Variants in ZDHHC14 observed in about 807,000 individuals in gnomAD.
ZDHHC14 encodes zDHHC palmitoyltransferase 14.
In ZDHHC14, 16 loss-of-function variants were observed where a neutral mutation model predicts 47.7. The observed-to-expected ratio is 0.34, with a 90% CI of 0.23 to 0.51. The LOEUF is 0.51. Among genes scored for constraint, ZDHHC14 ranks in the 20% least tolerant of loss-of-function variants. ZDHHC14 has a pLI of 0.97. For synonymous variants in ZDHHC14, 293 were observed against 278.9 expected (o/e 1.05, Z -0.50); for missense variants, 515 against 662.5 (o/e 0.78, Z 2.44).
chr6:157,623,142 A>G (rs1217237368), intron 3 of ZDHHC14, among the ~76,000 whole-genome samples: 2 of 152,112 alleles, frequency 1.3e-5, no homozygotes, highest in Non-Finnish European at 2.9e-5. Flanking sequence ...GCTCTTAGGG[A>G]GTAGCTCCTC....
intron 5 of ZDHHC14, among the ~76,000 whole-genome samples, chr6:157,634,915 G>A (rs551190998): frequency 2.6e-5 from 4 of 152,280 alleles, no homozygotes; most frequent in South Asian, 2.1e-4. Flanking sequence ...CTTCTGCTCC[G>A]TACGTGTCCC....
intron 5 of ZDHHC14, 127 bp downstream of exon 5, chr6:157,633,009 C>T (rs1583048160): frequency 7.1e-6 from 7 of 981,592 alleles, no homozygotes; most frequent in Non-Finnish European, 6.5e-6. Context: ...CAAAGAACTC[C>T]CTCAGATTCA....
chr6:157,419,945 C>T lies in ZDHHC14; in HGVS notation c.245+37679C>T, dbSNP rs1295419058. Among the ~76,000 whole-genome samples, 4 of 152,222 alleles carry T rather than the reference C, an allele frequency of 2.6e-5. 1 individual carries two copies. Among genetic ancestry groups the T allele is most frequent in the Admixed American group, 6.5e-5 (1 of 15,286 alleles). On this transcript the variant is annotated intron_variant, in intron 1 of 8. Transcript: ENST00000359775. ...TCCTGCTGCTCCACATCCTTGTCAGCATTTGGTGTTGTCAGTGTTGTGGAT... is the reference window on the plus strand; with the variant it reads ...TCCTGCTGCTCCACATCCTTGTCAGTATTTGGTGTTGTCAGTGTTGTGGAT...
chr6:157,591,825 A>C (rs1253285013), intron 2 of ZDHHC14, among the ~76,000 whole-genome samples: 3 of 152,334 alleles, frequency 2.0e-5, no homozygotes. Context: ...TATGTGCTTT[A>C]AGAGGGTGAG....
chr6:157,579,190 G>GTTTTTT (rs1187065924), intron 2 of ZDHHC14, among the ~76,000 whole-genome samples: 3 of 63,968 alleles, frequency 4.7e-5, no homozygotes, highest in Non-Finnish European at 6.0e-5. Flanking sequence ...TTGATTCTGT[G>GTTTTTT]TTTTTTTTTT....
chr6:157,502,210 A>G lies in ZDHHC14; in HGVS notation c.246-40375A>G, dbSNP rs1013754866. Among the ~76,000 whole-genome samples the G allele has an allele frequency of 6.6e-6, 1 of 152,236 alleles. No individual in the cohort carries two copies. The highest frequency in any genetic ancestry group is 2.1e-4 in the South Asian group (1 of 4,834). ...AGGAGGCTGCAAAGTACAGGACAGC[A>G]TAACACCTTCCTTTAAGATATGCAC... On this transcript the variant is annotated intron_variant, in intron 1 of 8. Transcript: ENST00000359775. This position sits in a 1 kb window ranked among gnomAD's most constrained non-coding sequence, Gnocchi z 4.0.
intron 5 of ZDHHC14, among the ~76,000 whole-genome samples, chr6:157,638,504 A>T (rs902683767): frequency 6.6e-6 from 1 of 152,206 alleles, no homozygotes; most frequent in Non-Finnish European, 1.5e-5. Flanking sequence ...CTCAAAAAAA[A>T]AAAAGGGACT....
At chr6:157,614,509 CT>C (rs1175375942) in intron 3 of ZDHHC14, among the ~76,000 whole-genome samples, 3 of 152,166 alleles carry the variant, frequency 2.0e-5, no homozygotes, top group African/African-American at 7.2e-5. Flanking sequence ...AGAGAAGGGG[CT>C]GTTGACTAGG....
At chr6:157,526,871 A>AT (rs1328594376) in intron 1 of ZDHHC14, among the ~76,000 whole-genome samples, 2 of 152,146 alleles carry the variant, frequency 1.3e-5, no homozygotes, top group Non-Finnish European at 2.9e-5. Flanking sequence ...GTAGATGTTA[A>AT]TTTTTATTTG....
chr6:157,504,094 C>T (rs1321325508), intron 1 of ZDHHC14, among the ~76,000 whole-genome samples: 1 of 152,070 alleles, frequency 6.6e-6, no homozygotes, highest in Non-Finnish European at 1.5e-5. Context: ...AAAAAGGGAA[C>T]AAATAAATGC....
chr6:157,519,607 G>T lies in ZDHHC14; in HGVS notation c.246-22978G>T, dbSNP rs149895047. On this transcript the variant is annotated intron_variant, in intron 1 of 8. Transcript: ENST00000359775. Reference sequence around the variant, plus strand: ...CTTAGACGGATCCACTGAAGGTTCAGAATGTCAACATTCTGGATCACCAGC... The same window carrying T: ...CTTAGACGGATCCACTGAAGGTTCATAATGTCAACATTCTGGATCACCAGC... Among the ~76,000 whole-genome samples the T allele has an allele frequency of 5.1e-3, 771 of 152,342 alleles. 3 individuals carry two copies. The highest frequency in any genetic ancestry group is 0.018 in the African/African-American group (733 of 41,572).
chr6:157,405,522 G>A (rs749700027), intron 1 of ZDHHC14, among the ~76,000 whole-genome samples: 20 of 152,030 alleles, frequency 1.3e-4, no homozygotes, highest in Non-Finnish European at 2.4e-4. Context: ...GTGAGCCACC[G>A]TGCCTGGCCG....
chr6:157,637,371 TG>T (rs1308104651), intron 5 of ZDHHC14, among the ~76,000 whole-genome samples: 3 of 152,078 alleles, frequency 2.0e-5, no homozygotes, highest in Non-Finnish European at 2.9e-5. Flanking sequence ...GTCAGTGTGG[TG>T]GGGGATTCTA....
chr6:157,456,957 T>C (rs1281903699), intron 1 of ZDHHC14, among the ~76,000 whole-genome samples: 1 of 151,970 alleles, frequency 6.6e-6, no homozygotes, highest in East Asian at 1.9e-4. Flanking sequence ...GAGAGCAGCC[T>C]GGCCAACATG....
At chr6:157,546,729 GA>G (rs1351995418) in intron 2 of ZDHHC14, among the ~76,000 whole-genome samples, 1 of 152,110 alleles carries the variant, frequency 6.6e-6, no homozygotes, top group Non-Finnish European at 1.5e-5. Flanking sequence ...TTTGGGGTTA[GA>G]AAAAAATGAC....
Position 157,384,315 on chromosome 6 carries a change from A to C in ZDHHC14, c.245+2049A>C, listed in dbSNP as rs1330762275. Among the ~76,000 whole-genome samples the C allele has an allele frequency of 3.9e-5, 6 of 152,258 alleles. No individual in the cohort carries two copies. In the East Asian group the frequency reaches 1.2e-3, roughly 29 times the overall value. On this transcript the variant is annotated intron_variant, in intron 1 of 8. Transcript: ENST00000359775. ...AACATCTTTTATTTTCTTCATTCAA[A>C]CATAGCTTCTAACCAAACCATCATA...
At chr6:157,633,168 G>A (rs1776793991) in intron 5 of ZDHHC14, among the ~76,000 whole-genome samples, 1 of 152,180 alleles carries the variant, frequency 6.6e-6, no homozygotes, top group Non-Finnish European at 1.5e-5. Context: ...GGGAGAAGTA[G>A]GGCTGTGAGC....
At chr6:157,429,148 G>C (rs1345449880) in intron 1 of ZDHHC14, among the ~76,000 whole-genome samples, 2 of 152,166 alleles carry the variant, frequency 1.3e-5, no homozygotes, top group East Asian at 3.9e-4. Context: ...CAGGCTCCAT[G>C]GATCTGTGCA....
intron 4 of ZDHHC14, 181 bp downstream of exon 4, chr6:157,628,667 C>A: frequency 1.3e-6 from 1 of 741,424 alleles, no homozygotes; most frequent in Non-Finnish European, 2.1e-6. Flanking sequence ...CATCCCTCCT[C>A]CGTCCCCTGT....
Sources: allele counts gnomAD v4.1 joint callset (sites outside exome capture counted in the v4.1 genomes callset), GRCh38; gene constraint gnomAD v4.1.1; non-coding constraint Gnocchi (gnomAD v3.1); transcripts MANE v1.5; gene names NCBI Gene and HGNC (gene_info 2026-07-23, HGNC 2026-07-21).